Variants in CTDSPL2 observed in about 807,000 individuals in gnomAD.
CTDSPL2 encodes CTD small phosphatase like 2.
In CTDSPL2, 5 loss-of-function variants were observed where a neutral mutation model predicts 60.0. That is an observed-to-expected ratio of 0.08 (90% CI 0.04 to 0.18). The LOEUF (loss-of-function observed/expected upper bound fraction) is 0.18, where lower values mean the gene tolerates loss of function less well. CTDSPL2 is among the 10% of genes least tolerant of loss of function. The pLI is 1.00. For synonymous variants in CTDSPL2, 186 were observed against 189.3 expected (o/e 0.98, Z 0.14); for missense variants, 370 against 548.8 (o/e 0.67, Z 3.26).
intron 5 of CTDSPL2, among the ~76,000 whole-genome samples, chr15:44,494,457 T>C (rs2081264372): frequency 6.6e-6 from 1 of 151,698 alleles, no homozygotes; most frequent in Non-Finnish European, 1.5e-5. Context: ...CAAAAAAATT[T>C]TTAAAAATAA....
Position 44,445,968 on chromosome 15 carries a change from C to G in CTDSPL2, c.-24-13023C>G, listed in dbSNP as rs866160942. On this transcript the variant is annotated intron_variant, in intron 1 of 12. Coordinates refer to ENST00000260327, the MANE Select transcript of CTDSPL2 (RefSeq NM_016396.3). ...TTTTTTTTTTTCTCGCTTTGTCACCCAGACTGGAGTGCAGTGGCGCGATCT... is the reference window on the plus strand; with the variant it reads ...TTTTTTTTTTTCTCGCTTTGTCACCGAGACTGGAGTGCAGTGGCGCGATCT... 2.5e-4 allele frequency among the ~76,000 whole-genome samples: 35 copies of G among 141,398 alleles called. 1 individual carries two copies. Among genetic ancestry groups the G allele is most frequent in the Middle Eastern group, 4.3e-3 (1 of 234 alleles). The allele number at this position is 141,398 out of a possible 152,430, so 92.8% of individuals were successfully genotyped here. A position where few individuals can be genotyped will look rare whatever the true frequency, so the allele number is the denominator to read the frequency against.
chr15:44,526,376 C>T lies in CTDSPL2; in HGVS notation c.*2202C>T, dbSNP rs943140902. 8 of 152,128 alleles carry T rather than the reference C, an allele frequency of 5.3e-5. No individual in the cohort carries two copies. The highest frequency in any genetic ancestry group is 1.2e-4 in the Non-Finnish European group (8 of 67,982). 9.4% of individuals were successfully genotyped at this position (152,128 alleles called of 1,614,324 possible). A position where few individuals can be genotyped will look rare whatever the true frequency, so the allele number is the denominator to read the frequency against. The stretch of plus-strand genomic sequence containing the variant: ...CTAAAGGGAAATGTAAGCACCTATA[C>T]TCTTGTGCCTGTGGGCACTTCAATA... On this transcript the variant is annotated 3_prime_UTR_variant, in exon 13 of 13. Coordinates refer to ENST00000260327, the MANE Select transcript of CTDSPL2 (RefSeq NM_016396.3).
At chr15:44,438,968 C>T (rs1157699752) in intron 1 of CTDSPL2, among the ~76,000 whole-genome samples, 5 of 152,030 alleles carry the variant, frequency 3.3e-5, no homozygotes, top group Non-Finnish European at 5.9e-5. Context: ...ACAAGTAGGG[C>T]TGTTTTACAT....
At chr15:44,458,941 A>C in intron 1 of CTDSPL2, 50 bp from the exon 2 acceptor site, 1 of 1,256,678 alleles carries the variant, frequency 8.0e-7, no homozygotes, top group Non-Finnish European at 1.1e-6. Context: ...GAGAAGGTTG[A>C]ATTTAATAAC....
intron 2 of CTDSPL2, among the ~76,000 whole-genome samples, chr15:44,471,357 T>C (rs891394770): frequency 1.3e-5 from 2 of 152,228 alleles, no homozygotes; most frequent in Non-Finnish European, 2.9e-5. Context: ...AGCAGCTTTA[T>C]TGAGATATAA....
intron 1 of CTDSPL2, among the ~76,000 whole-genome samples, chr15:44,456,264 T>G (rs1177729740): frequency 6.6e-6 from 1 of 152,108 alleles, no homozygotes; most frequent in East Asian, 1.9e-4. Context: ...ATAAAATGAG[T>G]TCGGGAGGAT....
chr15:44,516,256 CT>C (rs2081653570), intron 10 of CTDSPL2, among the ~76,000 whole-genome samples: 2 of 152,172 alleles, frequency 1.3e-5, no homozygotes, highest in African/African-American at 4.8e-5. Context: ...GCGTGAGCCA[CT>C]GCACCCAGCC....
intron 2 of CTDSPL2, among the ~76,000 whole-genome samples, chr15:44,463,128 T>C (rs2080610219): frequency 6.6e-6 from 1 of 152,168 alleles, no homozygotes; most frequent in Admixed American, 6.5e-5. Context: ...CAAAAATCTG[T>C]TTGTAAGCTA....
chr15:44,454,223 G>A (rs1228851295), intron 1 of CTDSPL2, among the ~76,000 whole-genome samples: 1 of 152,198 alleles, frequency 6.6e-6, no homozygotes, highest in African/African-American at 2.4e-5. Context: ...CTTCATAAAT[G>A]TCTTCTTTAG....
chr15:44,445,952 T>C (rs1169220475), intron 1 of CTDSPL2, among the ~76,000 whole-genome samples: 2 of 148,570 alleles, frequency 1.3e-5, no homozygotes, highest in Non-Finnish European at 1.5e-5. Context: ...TTTTTTTTTT[T>C]TCTCGCTTTG....
At chr15:44,439,718 C>T (rs2080047687) in intron 1 of CTDSPL2, among the ~76,000 whole-genome samples, 1 of 151,954 alleles carries the variant, frequency 6.6e-6, no homozygotes, top group Non-Finnish European at 1.5e-5. Context: ...TATGGTAAAT[C>T]CTGACATAAG....
intron 2 of CTDSPL2, among the ~76,000 whole-genome samples, chr15:44,466,227 G>A (rs139474366): frequency 0.018 from 2,714 of 152,072 alleles, 96 homozygotes; most frequent in East Asian, 0.13. Flanking sequence ...GTGAGCCACC[G>A]CGCCTGGCCA....
chr15:44,497,832 A>G (rs968101291), intron 7 of CTDSPL2, among the ~76,000 whole-genome samples: 1 of 152,088 alleles, frequency 6.6e-6, no homozygotes, highest in African/African-American at 2.4e-5. Flanking sequence ...CCCATTCTCT[A>G]CTAGAAATTC....
rs1041314866 is a variant in CTDSPL2 at position 44,528,773 on chromosome 15, T to A, written c.*4599T>A. On this transcript the variant is annotated 3_prime_UTR_variant, in exon 13 of 13. Coordinates refer to ENST00000260327, the MANE Select transcript of CTDSPL2 (RefSeq NM_016396.3). ...TTTGTAGAAATAAGCAATGAAATAC[T>A]ACTTTCATCTTTTGAAATGGGATTT... 2.0e-5 allele frequency: 3 copies of A among 152,188 alleles called. No homozygotes were observed. Among genetic ancestry groups the A allele is most frequent in the Non-Finnish European group, 4.4e-5 (3 of 68,026 alleles). 9.4% of individuals were successfully genotyped at this position (152,188 alleles called of 1,614,324 possible). A position where few individuals can be genotyped will look rare whatever the true frequency, so the allele number is the denominator to read the frequency against.
At chr15:44,511,077 C>G (rs1472095043) in intron 8 of CTDSPL2, among the ~76,000 whole-genome samples, 1 of 152,124 alleles carries the variant, frequency 6.6e-6, no homozygotes, top group African/African-American at 2.4e-5. Context: ...ACGTTTCTTC[C>G]CACTTTCCTC....
rs541473462 is a variant in CTDSPL2 at position 44,445,275 on chromosome 15, C to A, written c.-24-13716C>A. ...CAGTCACAGCTTACTGCAGCTTCGACTTCCCAGGCTCAGGTGATCCTCCCA... is the reference window on the plus strand; with the variant it reads ...CAGTCACAGCTTACTGCAGCTTCGAATTCCCAGGCTCAGGTGATCCTCCCA... On this transcript the variant is annotated intron_variant, in intron 1 of 12. Coordinates refer to ENST00000260327, the MANE Select transcript of CTDSPL2 (RefSeq NM_016396.3). Among the ~76,000 whole-genome samples, 12 of 152,140 alleles carry A rather than the reference C, an allele frequency of 7.9e-5. 1 individual carries two copies. The South Asian group carries it at 2.5e-3, about 32-fold the overall frequency.
chr15:44,506,968 C>T (rs566678455), intron 8 of CTDSPL2, among the ~76,000 whole-genome samples: 2 of 150,686 alleles, frequency 1.3e-5, no homozygotes, highest in South Asian at 2.1e-4. Context: ...AGGGTTTCAC[C>T]GTGTAAGCCA....
chr15:44,511,974 C>T (rs1295415694), intron 8 of CTDSPL2, among the ~76,000 whole-genome samples: 5 of 149,662 alleles, frequency 3.3e-5, no homozygotes, highest in Non-Finnish European at 5.9e-5. Flanking sequence ...ATTGCTTGAG[C>T]GTAAGAGTTT....
intron 8 of CTDSPL2, among the ~76,000 whole-genome samples, chr15:44,512,685 C>T (rs1262491562): frequency 2.6e-5 from 4 of 152,146 alleles, no homozygotes; most frequent in East Asian, 3.8e-4. Flanking sequence ...GAACAACTAT[C>T]GTTAAATTTT....
Sources: allele counts gnomAD v4.1 joint callset (sites outside exome capture counted in the v4.1 genomes callset), GRCh38; gene constraint gnomAD v4.1.1; transcripts MANE v1.5; gene names NCBI Gene and HGNC (gene_info 2026-07-23, HGNC 2026-07-21).